The following ADGRG1 variants were observed in gnomAD, a reference collection of about 807,000 sequenced individuals.
ADGRG1 encodes 7-transmembrane protein with no EGF-like N-terminal domains-1.
In ADGRG1, 53 loss-of-function variants were observed where a neutral mutation model predicts 73.5. The observed-to-expected ratio is 0.72, with a 90% CI of 0.58 to 0.91. ADGRG1 has a LOEUF of 0.91. ADGRG1 is among the 40% of genes least tolerant of loss of function. The probability of loss-of-function intolerance (pLI) is 0.00; values close to 1 mark genes in which losing one functional copy is unlikely to be tolerated. For synonymous variants in ADGRG1, 394 were observed against 374.4 expected (o/e 1.05, Z -0.60); for missense variants, 795 against 871.8 (o/e 0.91, Z 1.11).
chr16:57,654,422 G>GTTT (rs200720786), intron 5 of ADGRG1, among the ~76,000 whole-genome samples: 18 of 115,094 alleles, frequency 1.6e-4, no homozygotes, highest in South Asian at 3.3e-4. Flanking sequence ...CCCCCCCCCC[G>GTTT]TTTTTTTTTT....
intron 1 of ADGRG1, chr16:57,631,293 TG>T: frequency 1.0e-6 from 1 of 985,954 alleles, no homozygotes; most frequent in Admixed American, 6.1e-5. Flanking sequence ...AGGACAGCCA[TG>T]GAGGGACCAC....
intron 9 of ADGRG1, among the ~76,000 whole-genome samples, chr16:57,656,938 A>G (rs1437871139): frequency 6.6e-6 from 1 of 152,120 alleles, no homozygotes; most frequent in Non-Finnish European, 1.5e-5. Flanking sequence ...AGTGTTTCTA[A>G]TGAGGCCCCT....
At position 57,629,973 on chromosome 16, in the gene ADGRG1, A is replaced by G. The variant is rs1156651461; in HGVS notation, c.-36+1171A>G. ...AGGCAGGGGCCTCCCACCCCCACCA[A>G]TGTGGAGCAGTTGTAGCCTGGGGTC... On this transcript the variant is annotated intron_variant, in intron 1 of 13. Coordinates refer to ENST00000562631, the MANE Select transcript of ADGRG1 (RefSeq NM_201525.4). The G allele has an allele frequency of 9.1e-6, 9 of 984,676 alleles. No individual in the cohort carries two copies. In the Admixed American group the frequency reaches 4.9e-4, roughly 54 times the overall value. The allele number at this position is 984,676 out of a possible 1,614,324, so 61.0% of individuals were successfully genotyped here.
upstream of ADGRG1, chr16:57,622,935 G>T: frequency 1.0e-6 from 1 of 985,450 alleles, no homozygotes; most frequent in Non-Finnish European, 1.2e-6. Context: ...CAGGGACAGG[G>T]TGACCCTGGG....
intron 1 of ADGRG1, chr16:57,646,065 G>A (rs1441094813): frequency 6.6e-6 from 1 of 152,334 alleles, no homozygotes; most frequent in African/African-American, 2.4e-5. Context: ...GAAGGAAGCA[G>A]TGGATGGCCA....
chr16:57,632,454 T>C (rs2038223325), intron 1 of ADGRG1: 19 of 447,888 alleles, frequency 4.2e-5, no homozygotes, highest in Non-Finnish European at 5.6e-5. Flanking sequence ...GAGGAAAGCA[T>C]ATGGGAAAGT....
At chr16:57,662,418 GGCC>G (rs2047398635) in intron 13 of ADGRG1, among the ~76,000 whole-genome samples, 1 of 152,108 alleles carries the variant, frequency 6.6e-6, no homozygotes, top group Non-Finnish European at 1.5e-5. Flanking sequence ...GAGATGGGGG[GGCC>G]TCCCTACTCC....
Position 57,650,454 on chromosome 16 carries a change from C to T in ADGRG1, c.64+103C>T. On this transcript the variant is annotated intron_variant, in intron 2 of 13. Transcript: ENST00000562631. Reference sequence around the variant, plus strand: ...ACATGCTAACTCCTTTAGGCAGTTACAGCTCGGCTAGTGGAGGGTACCTTG... The same window carrying T: ...ACATGCTAACTCCTTTAGGCAGTTATAGCTCGGCTAGTGGAGGGTACCTTG... The T allele has an allele frequency of 2.5e-6, 4 of 1,600,418 alleles. No homozygotes were observed. In the South Asian group the frequency reaches 4.4e-5, roughly 18 times the overall value.
At chr16:57,635,305 C>A in intron 1 of ADGRG1, 1 of 985,242 alleles carries the variant, frequency 1.0e-6, no homozygotes, top group South Asian at 4.7e-5. Context: ...CCTGGCCACA[C>A]CTTCTGGGGG....
At chr16:57,654,495 G>A (rs1317793903) in intron 5 of ADGRG1, among the ~76,000 whole-genome samples, 3 of 142,888 alleles carry the variant, frequency 2.1e-5, no homozygotes, top group African/African-American at 5.2e-5. Context: ...ATGTCTCACT[G>A]CAGCCTCAAA....
intron 1 of ADGRG1, chr16:57,631,319 C>T (rs2037840834): frequency 1.0e-6 from 1 of 985,758 alleles, no homozygotes; most frequent in Non-Finnish European, 1.2e-6. Context: ...GACCGTCCTC[C>T]AGCCGGACTG....
intron 1 of ADGRG1, chr16:57,646,319 G>T: frequency 1.1e-6 from 1 of 937,962 alleles, no homozygotes; most frequent in Non-Finnish European, 1.3e-6. Context: ...GGCTGAGCCA[G>T]GTCTGGAGCT....
intron 6 of ADGRG1, 66 bp from the exon 7 acceptor site, chr16:57,655,809 CT>C: frequency 6.2e-7 from 1 of 1,613,746 alleles, no homozygotes; most frequent in Non-Finnish European, 8.5e-7. Context: ...GGGTAAGGGG[CT>C]TCTGGGCCCT....
chr16:57,664,656 TC>T lies in ADGRG1; in HGVS notation c.*1075del, dbSNP rs2047951548. ...AGCTCCAGGCGCCCTCGGCCGCCCA[TC>T]ATGGTTAATTCTGTCCAACAAACAC... On this transcript the variant is annotated 3_prime_UTR_variant, in exon 14 of 14. Transcript: ENST00000562631. The T allele has an allele frequency of 6.6e-6, 1 of 152,586 alleles. No homozygotes were observed. The highest frequency in any genetic ancestry group is 1.5e-5 in the Non-Finnish European group (1 of 68,122). The allele number at this position is 152,586 out of a possible 1,614,324, so 9.5% of individuals were successfully genotyped here.
upstream of ADGRG1, among the ~76,000 whole-genome samples, chr16:57,620,454 C>T (rs1300790328): frequency 4.6e-5 from 7 of 152,166 alleles, no homozygotes; most frequent in East Asian, 1.9e-4. Flanking sequence ...AGGGTGACGC[C>T]GCGGAGCCTG....
At chr16:57,628,829 G>A in intron 1 of ADGRG1, 27 bp downstream of exon 1, 5 of 984,026 alleles carry the variant, frequency 5.1e-6, no homozygotes, top group Non-Finnish European at 6.0e-6. Context: ...TGGACAGCAG[G>A]TGGGAAGGGG....
intron 1 of ADGRG1, chr16:57,645,225 G>A (rs2042293041): frequency 6.1e-6 from 6 of 985,328 alleles, no homozygotes; most frequent in African/African-American, 1.7e-5. Context: ...TAGGGCAGTG[G>A]AAGTTGAGCT....
intron 1 of ADGRG1, chr16:57,634,188 CT>C (rs1219245953): frequency 1.0e-6 from 1 of 985,316 alleles, no homozygotes; most frequent in Non-Finnish European, 1.2e-6. Context: ...CAGCTGACCC[CT>C]TCTGGGTCCT....
chr16:57,663,752 C>A lies in ADGRG1; in HGVS notation c.*170C>A. On this transcript the variant is annotated 3_prime_UTR_variant, in exon 14 of 14. Coordinates refer to ENST00000562631, the MANE Select transcript of ADGRG1 (RefSeq NM_201525.4). ...ATGGTGGACGGACTCCCGGGCTGGG[C>A]TTTTGAATTGGCCTTGGGGACTACT... 1 of 739,630 alleles carries A rather than the reference C, an allele frequency of 1.4e-6. No homozygotes were observed. Among genetic ancestry groups the A allele is most frequent in the Non-Finnish European group, 2.2e-6 (1 of 444,564 alleles). The allele number at this position is 739,630 out of a possible 1,614,324, so 45.8% of individuals were successfully genotyped here.
Sources: gnomAD v4.1 joint callset for allele counts (sites outside exome capture counted in the v4.1 genomes callset) on GRCh38, gnomAD v4.1.1 for gene constraint, MANE v1.5 for transcripts, NCBI Gene and HGNC (gene_info 2026-07-23, HGNC 2026-07-21) for gene names.